Variants in VSIG10L2 observed in about 807,000 individuals in gnomAD.
VSIG10L2 encodes the protein V-set and immunoglobulin domain-containing protein 10-like 2.
In VSIG10L2, 56 loss-of-function variants were observed where a neutral mutation model predicts 67.1. That is an observed-to-expected ratio of 0.83 (90% CI 0.67 to 1.04). The LOEUF is 1.04. VSIG10L2 is among the 50% of genes least tolerant of loss of function. The pLI, the probability that VSIG10L2 is intolerant of heterozygous loss-of-function variation, is 0.00. For synonymous variants in VSIG10L2, 360 were observed against 396.6 expected (o/e 0.91, Z 1.10); for missense variants, 843 against 932.8 (o/e 0.90, Z 1.25).
rs942443393 is a variant in VSIG10L2 at position 125,947,816 on chromosome 11, C to T, written c.213C>T (p.Pro71=). 1 of 1,232,494 alleles carries T rather than the reference C, an allele frequency of 8.1e-7. No individual in the cohort carries two copies. Among genetic ancestry groups the T allele is most frequent in the African/African-American group, 1.6e-5 (1 of 64,446 alleles). 76.3% of individuals were successfully genotyped at this position (1,232,494 alleles called of 1,614,324 possible). Residue 71 remains proline, a synonymous_variant, in exon 2 of 12, where the codon CCC becomes CCT. Coordinates refer to ENST00000686984, the MANE Select transcript of VSIG10L2 (RefSeq NM_001365077.2). ...APLLVLWSFT[P]LGSLVPRPVA... is the part of the protein sequence containing the mutation. ...TGCTGGTCCTCTGGAGCTTCACCCC[C>T]CTGGGCTCCCTGGTTCCCCGGCCTG... is the stretch of plus-strand genomic sequence containing the variant.
intron 3 of VSIG10L2, among the ~76,000 whole-genome samples, chr11:125,948,788 A>G (rs634072): frequency 0.67 from 101,923 of 152,190 alleles, 34,420 homozygotes; most frequent in East Asian, 0.85. Context: ...TATAAAGGTC[A>G]AGGACACCCT....
rs781564201 is a variant in VSIG10L2, at chr11:125,951,912, C to T, written c.1334C>T (p.Thr445Met). The part of the protein sequence containing the change: ...CEWPGGEPPA[T>M]LGWLDEQQQP... The stretch of plus-strand genomic sequence containing the variant: ...TGGCCTGGCGGCGAGCCCCCTGCCA[C>T]GCTGGGCTGGCTTGACGAACAGCAG... The change falls in exon 6 of 12, where the codon ACG becomes ATG. Residue 445 changes from threonine (T) to methionine (M), a missense_variant. This residue lies in a region of VSIG10L2 where 446 missense variants were observed against 548.4 expected (regional missense o/e 0.81). Coordinates refer to ENST00000686984, the MANE Select transcript of VSIG10L2 (RefSeq NM_001365077.2). The T allele has an allele frequency of 3.3e-5, 50 of 1,534,776 alleles. No individual in the cohort carries two copies. Among genetic ancestry groups the T allele is most frequent in the African/African-American group, 1.6e-4 (12 of 73,030 alleles).
chr11:125,950,042 G>T lies in VSIG10L2; in HGVS notation c.738G>T (p.Met246Ile). 8.1e-7 allele frequency: 1 copy of T among 1,232,364 alleles called. No homozygotes were observed. Among genetic ancestry groups the T allele is most frequent in the South Asian group, 4.1e-5 (1 of 24,324 alleles). The allele number at this position is 1,232,364 out of a possible 1,614,324, so 76.3% of individuals were successfully genotyped here. Reference sequence around the variant, plus strand: ...GTCCTGACAAGCCTGTGATCACCATGGAGCCGCTGGGACTCACTGAGGAGG... The same window carrying T: ...GTCCTGACAAGCCTGTGATCACCATTGAGCCGCTGGGACTCACTGAGGAGG... Reference protein sequence around the residue: ...IYGPDKPVITMEPLGLTEEGF... With the variant: ...IYGPDKPVITIEPLGLTEEGF... The change falls in exon 4 of 12, where the codon ATG (methionine) becomes ATT (isoleucine). Residue 246 changes from methionine (M) to isoleucine (I), a missense_variant. By Grantham distance (10) the Met-to-Ile change is conservative. This residue lies in a region of VSIG10L2 where 446 missense variants were observed against 548.4 expected (regional missense o/e 0.81). Coordinates refer to ENST00000686984, the MANE Select transcript of VSIG10L2 (RefSeq NM_001365077.2).
rs1195519782 is a variant in VSIG10L2 at position 125,953,669 on chromosome 11, A to T, written c.1765A>T (p.Ser589Cys). ...CAACGCCGTGGGCAATAGCAGTCAG[A>T]GTGTGCTGCTGGAGGTCCTGAGTGA... ...ARNAVGNSSQ[S>C]VLLEVLRYPA... Residue 589 changes from serine (S) to cysteine (C), a missense_variant, in exon 7 of 12, where the codon AGT (serine) becomes TGT (cysteine). By Grantham distance (112) the Ser-to-Cys change is moderately radical (BLOSUM62 -1). Around this residue, in one of 2 missense-constraint regions of VSIG10L2, gnomAD observed 397 missense variants for 384.4 expected, o/e 1.03. Coordinates refer to ENST00000686984, the MANE Select transcript of VSIG10L2 (RefSeq NM_001365077.2). 7.3e-6 allele frequency: 9 copies of T among 1,232,102 alleles called. No homozygotes were observed. In the East Asian group the frequency reaches 1.6e-4, roughly 22 times the overall value. 76.3% of individuals were successfully genotyped at this position (1,232,102 alleles called of 1,614,324 possible).
rs539968957 is a variant in VSIG10L2, at chr11:125,955,483, C to T, written c.2208C>T (p.Arg736=). The T allele has an allele frequency of 1.3e-6, 1 of 799,302 alleles. No homozygotes were observed. Among genetic ancestry groups the T allele is most frequent in the Non-Finnish European group, 2.0e-6 (1 of 506,018 alleles). The allele number at this position is 799,302 out of a possible 1,614,324, so 49.5% of individuals were successfully genotyped here. ...YAARHPETFP[R]LGQLLVPTEQ... ...CTCCTTTTCTTTTCCTTCCTACAGG[C>T]CTTGGTCAATTGCTTGTTCCCACGT... The change falls in exon 10 of 12, where the codon CGC becomes CGT. Residue 736 remains arginine, a splice_region_variant and synonymous_variant. Coordinates refer to ENST00000686984, the MANE Select transcript of VSIG10L2 (RefSeq NM_001365077.2).
chr11:125,950,154 C>G lies in VSIG10L2; in HGVS notation c.850C>G (p.His284Asp). 1 of 1,232,304 alleles carries G rather than the reference C, an allele frequency of 8.1e-7. No homozygotes were observed. Among genetic ancestry groups the G allele is most frequent in the Non-Finnish European group, 1.0e-6 (1 of 988,092 alleles). The allele number at this position is 1,232,304 out of a possible 1,614,324, so 76.3% of individuals were successfully genotyped here. The stretch of plus-strand genomic sequence containing the variant: ...TAGTCACTATGTGTGGCTCCGTGAC[C>G]ACACGCAAGTCCACACGGGGCCTAC... The part of the protein sequence containing the change: ...PPSHYVWLRD[H>D]TQVHTGPTYV... Residue 284 changes from histidine (H) to aspartate (D), a missense_variant, in exon 4 of 12, where the codon CAC becomes GAC. Physicochemically the swap from His to Asp is moderately conservative, Grantham distance 81 (BLOSUM62 -1). Around this residue, in one of 2 missense-constraint regions of VSIG10L2, gnomAD observed 446 missense variants for 548.4 expected, o/e 0.81. Transcript: ENST00000686984.
chr11:125,949,864 T>C (rs1411974709), intron 3 of VSIG10L2, 150 bp from the exon 4 acceptor site: 10 of 830,978 alleles, frequency 1.2e-5, no homozygotes, highest in Non-Finnish European at 1.3e-5. Context: ...GCCCCTGGAC[T>C]CTGAGCTCTA....
At position 125,954,199 on chromosome 11, in the gene VSIG10L2, G is replaced by A. The variant is rs1356618445; in HGVS notation, c.1899G>A (p.Leu633=). The A allele has an allele frequency of 1.1e-5, 13 of 1,232,218 alleles. No homozygotes were observed. The highest frequency in any genetic ancestry group is 1.1e-5 in the Non-Finnish European group (11 of 988,024). 76.3% of individuals were successfully genotyped at this position (1,232,218 alleles called of 1,614,324 possible). ...ILGPGNLTGF[L]VQRKASALGP... Reference sequence around the variant, plus strand: ...GACCCGGGAACCTGACGGGCTTCCTGGTGCAGCGGAAGGCCAGTGCCCTGG... The same window carrying A: ...GACCCGGGAACCTGACGGGCTTCCTAGTGCAGCGGAAGGCCAGTGCCCTGG... Residue 633 remains leucine, a synonymous_variant, in exon 8 of 12, where the codon CTG becomes CTA. Coordinates refer to ENST00000686984, the MANE Select transcript of VSIG10L2 (RefSeq NM_001365077.2).
In VSIG10L2 at chr11:125,952,055, C is replaced by A. The variant is rs897805079; in HGVS notation, c.1477C>A (p.His493Asn). Residue 493 changes from histidine to asparagine, a missense_variant, in exon 6 of 12, where the codon CAC becomes AAC. This residue lies in a region of VSIG10L2 where 397 missense variants were observed against 384.4 expected (regional missense o/e 1.03). Coordinates refer to ENST00000686984, the MANE Select transcript of VSIG10L2 (RefSeq NM_001365077.2). ...GTHLLRTPDP[H>N]CHLQLEAPQL... is the part of the protein sequence containing the mutation. ...TCACCTGCTCAGGACCCCTGACCCC[C>A]ACTGCCACCTCCAGCTGGGTGAGTA... The A allele has an allele frequency of 2.0e-6, 3 of 1,534,484 alleles. No homozygotes were observed. The highest frequency in any genetic ancestry group is 1.7e-6 in the Non-Finnish European group (2 of 1,145,794).
chr11:125,954,272 G>A lies in VSIG10L2; in HGVS notation c.1972G>A (p.Glu658Lys). ...WETAASDIEPESRGRRLGGLD... is the reference protein window; with the variant it reads ...WETAASDIEPKSRGRRLGGLD... Reference sequence around the variant, plus strand: ...GACAGCAGCTAGTGACATCGAGCCAGAGAGCCGAGGACGGCGGCTGGGGGG... The same window carrying A: ...GACAGCAGCTAGTGACATCGAGCCAAAGAGCCGAGGACGGCGGCTGGGGGG... Residue 658 changes from glutamate to lysine, a missense_variant, in exon 8 of 12, where the codon GAG becomes AAG. This residue lies in a region of VSIG10L2 where 397 missense variants were observed against 384.4 expected (regional missense o/e 1.03). Coordinates refer to ENST00000686984, the MANE Select transcript of VSIG10L2 (RefSeq NM_001365077.2). 2 of 1,232,272 alleles carry A rather than the reference G, an allele frequency of 1.6e-6. No individual in the cohort carries two copies. Among genetic ancestry groups the A allele is most frequent in the Non-Finnish European group, 2.0e-6 (2 of 988,076 alleles). 76.3% of individuals were successfully genotyped at this position (1,232,272 alleles called of 1,614,324 possible).
chr11:125,955,563 A>C, intron 10 of VSIG10L2, 52 bp from the exon 11 acceptor site: 1 of 1,456,548 alleles, frequency 6.9e-7, no homozygotes, highest in Non-Finnish European at 9.3e-7. Flanking sequence ...GTTGGAAAGG[A>C]AAGCGAGGGA....
Position 125,950,802 on chromosome 11 carries a change from T to G in VSIG10L2, c.986-108T>G, listed in dbSNP as rs898867431. 15 of 1,070,984 alleles carry G rather than the reference T, an allele frequency of 1.4e-5. No individual in the cohort carries two copies. The African/African-American group carries it at 2.5e-4, about 18-fold the overall frequency. 66.3% of individuals were successfully genotyped at this position (1,070,984 alleles called of 1,614,324 possible). A position where few individuals can be genotyped will look rare whatever the true frequency, so the allele number is the denominator to read the frequency against. On this transcript the variant is annotated intron_variant, in intron 4 of 11. Coordinates refer to ENST00000686984, the MANE Select transcript of VSIG10L2 (RefSeq NM_001365077.2). ...TTTCCCCTAACCCACTTCTCCCTGC[T>G]CCCCTACCCACTGACACCCCTGGCC...
At position 125,955,646 on chromosome 11, in the gene VSIG10L2, G is replaced by A; in HGVS notation, c.2263G>A (p.Glu755Lys). 2 of 1,532,468 alleles carry A rather than the reference G, an allele frequency of 1.3e-6. No homozygotes were observed. The highest frequency in any genetic ancestry group is 1.7e-6 in the Non-Finnish European group (2 of 1,145,246). The allele number at this position is 1,532,468 out of a possible 1,614,324, so 94.9% of individuals were successfully genotyped here. ...EQRHQQRGSREDAEAPAGLET... is the reference protein window; with the variant it reads ...EQRHQQRGSRKDAEAPAGLET... ...AAGGCACCAACAGAGGGGTTCCAGAGAAGATGCTGAGGCACCGGCAGGTAA... is the reference window on the plus strand; with the variant it reads ...AAGGCACCAACAGAGGGGTTCCAGAAAAGATGCTGAGGCACCGGCAGGTAA... The change falls in exon 11 of 12, where the codon GAA becomes AAA. Residue 755 changes from glutamate to lysine, a missense_variant. By Grantham distance (56) the Glu-to-Lys change is moderately conservative (BLOSUM62 1). This residue lies in a region of VSIG10L2 where 397 missense variants were observed against 384.4 expected (regional missense o/e 1.03). Coordinates refer to ENST00000686984, the MANE Select transcript of VSIG10L2 (RefSeq NM_001365077.2).
rs1344609697 is a variant in VSIG10L2, at chr11:125,955,164, CCA to C, written c.2192_2193del (p.Pro731ArgfsTer27). On this transcript the variant is annotated frameshift_variant, in exon 9 of 12. Transcript: ENST00000686984. LOFTEE classifies it high-confidence loss of function. ...LLVFQYAARH[P>X]ETFPRLGQLL... ...GGTGTTCCAGTATGCTGCCCGGCACCCAGAGACTTTCCCCCGTGAGTGGGAAT... is the reference window on the plus strand; with the variant it reads ...GGTGTTCCAGTATGCTGCCCGGCACCGAGACTTTCCCCCGTGAGTGGGAAT... The C allele has an allele frequency of 8.0e-7, 1 of 1,250,898 alleles. No homozygotes were observed. The highest frequency in any genetic ancestry group is 1.0e-6 in the Non-Finnish European group (1 of 999,396). 77.5% of individuals were successfully genotyped at this position (1,250,898 alleles called of 1,614,324 possible).
chr11:125,951,215 G>T, intron 5 of VSIG10L2, 57 bp downstream of exon 5: 1 of 1,232,454 alleles, frequency 8.1e-7, no homozygotes, highest in Admixed American at 4.2e-5. Flanking sequence ...TGTGGGTAGA[G>T]GTCAGGGTAG....
intron 6 of VSIG10L2, 65 bp from the exon 7 acceptor site, chr11:125,953,335 A>G: frequency 3.3e-6 from 4 of 1,211,166 alleles, no homozygotes; most frequent in Middle Eastern, 3.2e-4. Flanking sequence ...ATGCCTTCCA[A>G]TGCTGGCCAG....
rs576409686 is a variant in VSIG10L2 at position 125,953,672 on chromosome 11, G to A, written c.1768G>A (p.Val590Met). 16 of 1,232,340 alleles carry A rather than the reference G, an allele frequency of 1.3e-5. No homozygotes were observed. In the African/African-American group the frequency reaches 2.3e-4, roughly 18 times the overall value. 76.3% of individuals were successfully genotyped at this position (1,232,340 alleles called of 1,614,324 possible). Residue 590 changes from valine to methionine, a missense_variant, in exon 7 of 12, where the codon GTG becomes ATG. By Grantham distance (21) the Val-to-Met change is conservative. Transcript: ENST00000686984. ...CGCCGTGGGCAATAGCAGTCAGAGTGTGCTGCTGGAGGTCCTGAGTGAGTG... is the reference window on the plus strand; with the variant it reads ...CGCCGTGGGCAATAGCAGTCAGAGTATGCTGCTGGAGGTCCTGAGTGAGTG... ...RNAVGNSSQSVLLEVLRYPAP... is the reference protein window; with the variant it reads ...RNAVGNSSQSMLLEVLRYPAP...
chr11:125,953,867 T>C (rs1184560225), intron 7 of VSIG10L2, among the ~76,000 whole-genome samples, 177 bp downstream of exon 7: 1 of 152,224 alleles, frequency 6.6e-6, no homozygotes, highest in Non-Finnish European at 1.5e-5. Flanking sequence ...GTGAATCTGC[T>C]GCACTCACGG....
At position 125,951,058 on chromosome 11, in the gene VSIG10L2, C is replaced by T; in HGVS notation, c.1134C>T (p.Thr378=). The T allele has an allele frequency of 8.1e-7, 1 of 1,232,766 alleles. No homozygotes were observed. Among genetic ancestry groups the T allele is most frequent in the Non-Finnish European group, 1.0e-6 (1 of 988,462 alleles). The allele number at this position is 1,232,766 out of a possible 1,614,324, so 76.4% of individuals were successfully genotyped here. A position where few individuals can be genotyped will look rare whatever the true frequency, so the allele number is the denominator to read the frequency against. ...GPGPTAPSNV[T]WSHAAAQLPS... is the part of the protein sequence containing the mutation. ...GCCCTACTGCCCCCAGCAACGTCAC[C>T]TGGAGTCACGCAGCCGCCCAGCTCC... Residue 378 remains threonine (T), a synonymous_variant, in exon 5 of 12, where the codon ACC becomes ACT. Coordinates refer to ENST00000686984, the MANE Select transcript of VSIG10L2 (RefSeq NM_001365077.2).
Sources: gnomAD v4.1 joint callset for allele counts (sites outside exome capture counted in the v4.1 genomes callset) on GRCh38, gnomAD v4.1.1 for gene constraint, gnomAD v4.1.1 regional missense constraint, MANE v1.5 for transcripts, NCBI Gene and HGNC (gene_info 2026-07-23, HGNC 2026-07-21) for gene names.